KIAA1328: variants seen among roughly 807,000 people sequenced by gnomAD.
KIAA1328 encodes KIAA1328.
Under a neutral mutation model 68.1 loss-of-function variants are expected in KIAA1328, and 52 were observed. The observed-to-expected ratio is 0.76, with a 90% CI of 0.61 to 0.96. The LOEUF is 0.96. Among genes scored for constraint, KIAA1328 ranks in the 40% least tolerant of loss-of-function variants. KIAA1328 has a pLI of 0.00. For missense variants in KIAA1328, 641 were observed against 677.6 expected, an observed-to-expected ratio of 0.95 and a Z score of 0.60; for synonymous variants, 232 against 239.4, an observed-to-expected ratio of 0.97 and a Z score of 0.28.
chr18:36,889,819 A>C (rs893174333), intron 5 of KIAA1328, among the ~76,000 whole-genome samples: 6 of 152,144 alleles, frequency 3.9e-5, no homozygotes, highest in Admixed American at 1.3e-4. Flanking sequence ...GCCTTTCTTC[A>C]CTGGGATTTT....
chr18:37,135,146 G>C (rs1405512768), intron 7 of KIAA1328, among the ~76,000 whole-genome samples: 2 of 152,116 alleles, frequency 1.3e-5, no homozygotes, highest in Non-Finnish European at 2.9e-5. Flanking sequence ...ATTGTGAATA[G>C]TGTTGCAGTG....
At chr18:37,130,463 C>T (rs565212152) in intron 7 of KIAA1328, among the ~76,000 whole-genome samples, 55 of 152,054 alleles carry the variant, frequency 3.6e-4, no homozygotes, top group African/African-American at 1.3e-3. Context: ...ACTAAAAATA[C>T]AAAAATTAGC....
At chr18:36,905,925 G>T (rs2049203995) in intron 5 of KIAA1328, among the ~76,000 whole-genome samples, 1 of 152,108 alleles carries the variant, frequency 6.6e-6, no homozygotes, top group African/African-American at 2.4e-5. Flanking sequence ...TGAGAACCCT[G>T]CCTCCCAACT....
chr18:37,118,007 TC>T (rs1201595191), intron 7 of KIAA1328, among the ~76,000 whole-genome samples: 1 of 118,420 alleles, frequency 8.4e-6, no homozygotes, highest in Non-Finnish European at 1.7e-5. Context: ...TTGCTTTCTT[TC>T]TTTTTTTTTT....
rs368866559 is a variant in KIAA1328 at position 37,010,521 on chromosome 18, A to G, written c.576+51086A>G. Among the ~76,000 whole-genome samples, 7 of 150,460 alleles carry G rather than the reference A, an allele frequency of 4.7e-5. No homozygotes were observed. In the East Asian group the frequency reaches 6.0e-4, roughly 13 times the overall value. Reference sequence around the variant, plus strand: ...TTTTGTGGATCTCTTTAATGAGGCAATTTTCTGTTGCTATTAAATGTATTC... The same window carrying G: ...TTTTGTGGATCTCTTTAATGAGGCAGTTTTCTGTTGCTATTAAATGTATTC... On this transcript the variant is annotated intron_variant, in intron 6 of 9. Transcript: ENST00000280020.
intron 5 of KIAA1328, among the ~76,000 whole-genome samples, chr18:36,937,624 AAAT>A (rs754742785): frequency 5.9e-5 from 9 of 152,180 alleles, no homozygotes; most frequent in Non-Finnish European, 8.8e-5. Flanking sequence ...TTTAATTGAC[AAAT>A]AATAATTAAG....
At chr18:37,035,939 C>T (rs1353453578) in intron 6 of KIAA1328, among the ~76,000 whole-genome samples, 1 of 152,088 alleles carries the variant, frequency 6.6e-6, no homozygotes, top group African/African-American at 2.4e-5. Context: ...TGTTCTCTTC[C>T]ATTCCTTACT....
At chr18:37,064,861 G>C (rs2056289889) in intron 6 of KIAA1328, among the ~76,000 whole-genome samples, 1 of 152,122 alleles carries the variant, frequency 6.6e-6, no homozygotes, top group African/African-American at 2.4e-5. Context: ...TCTGTCTTCA[G>C]AGCCAAAGGA....
At chr18:36,915,912 A>T (rs1449885346) in intron 5 of KIAA1328, among the ~76,000 whole-genome samples, 1 of 152,216 alleles carries the variant, frequency 6.6e-6, no homozygotes, top group East Asian at 1.9e-4. Flanking sequence ...ATAATTGCCA[A>T]CAATGAAAAC....
At chr18:37,115,544 C>T (rs1419232897) in intron 7 of KIAA1328, among the ~76,000 whole-genome samples, 2 of 152,104 alleles carry the variant, frequency 1.3e-5, no homozygotes, top group East Asian at 1.9e-4. Context: ...TATGACAAAC[C>T]CACAGCCAAT....
chr18:37,190,533 G>C (rs531197752), intron 9 of KIAA1328, among the ~76,000 whole-genome samples: 4 of 152,116 alleles, frequency 2.6e-5, no homozygotes, highest in African/African-American at 9.7e-5. Flanking sequence ...TCTGGTTGTC[G>C]TTCTACTTTG....
At chr18:37,044,443 A>G (rs2055382255) in intron 6 of KIAA1328, among the ~76,000 whole-genome samples, 1 of 152,140 alleles carries the variant, frequency 6.6e-6, no homozygotes, top group Admixed American at 6.6e-5. Flanking sequence ...TAACCAAGCT[A>G]TGCAAAACCA....
intron 7 of KIAA1328, among the ~76,000 whole-genome samples, chr18:37,156,348 C>A (rs2154210646): frequency 6.7e-6 from 1 of 149,974 alleles, no homozygotes; most frequent in East Asian, 2.0e-4. Flanking sequence ...ACCGCTTGAA[C>A]CCGGGAGGCA....
chr18:36,961,798 A>T (rs991189137), intron 6 of KIAA1328, among the ~76,000 whole-genome samples: 1 of 152,220 alleles, frequency 6.6e-6, no homozygotes, highest in African/African-American at 2.4e-5. Context: ...CCTGCCTTAC[A>T]AGAGCTCCTG....
intron 5 of KIAA1328, among the ~76,000 whole-genome samples, chr18:36,935,679 A>G (rs1026061247): frequency 6.6e-6 from 1 of 152,164 alleles, no homozygotes; most frequent in African/African-American, 2.4e-5. Context: ...ATTAGGAAGG[A>G]AAAGGATGTA....
At chr18:36,882,505 G>A (rs1472444743) in intron 4 of KIAA1328, among the ~76,000 whole-genome samples, 1 of 152,094 alleles carries the variant, frequency 6.6e-6, no homozygotes, top group Non-Finnish European at 1.5e-5. Context: ...CCACAAAGAA[G>A]CCATGCATAT....
intron 6 of KIAA1328, among the ~76,000 whole-genome samples, chr18:37,010,245 C>T (rs777672966): frequency 6.6e-6 from 1 of 151,864 alleles, no homozygotes; most frequent in South Asian, 2.1e-4. Context: ...AAGTTCGAGA[C>T]GATTGTGGCC....
intron 9 of KIAA1328, among the ~76,000 whole-genome samples, chr18:37,204,565 G>C (rs1194306383): frequency 6.6e-6 from 1 of 152,108 alleles, no homozygotes; most frequent in South Asian, 2.1e-4. Context: ...TTTGTAAATG[G>C]AACAGGCTAA....
intron 5 of KIAA1328, among the ~76,000 whole-genome samples, chr18:36,946,755 T>A (rs1371275946): frequency 6.6e-6 from 1 of 152,124 alleles, no homozygotes; most frequent in African/African-American, 2.4e-5. Flanking sequence ...CAAGTAGAGG[T>A]TATACTGAGC....
Sources: gnomAD v4.1 joint callset for allele counts (sites outside exome capture counted in the v4.1 genomes callset) on GRCh38, gnomAD v4.1.1 for gene constraint, MANE v1.5 for transcripts, NCBI Gene and HGNC (gene_info 2026-07-23, HGNC 2026-07-21) for gene names.